The following CUL1 variants were observed in gnomAD, a reference collection of about 807,000 sequenced individuals.
The protein encoded by CUL1 is cullin-1.
A neutral mutation model predicts 118.0 loss-of-function variants in CUL1; 24 were observed. The ratio of observed to expected loss-of-function variants is 0.20; its 90% CI spans 0.15 to 0.29. CUL1 has a LOEUF of 0.29. Among genes scored for constraint, CUL1 ranks in the 10% least tolerant of loss-of-function variants. CUL1 has a pLI of 1.00. For missense variants in CUL1, 361 were observed against 933.8 expected (o/e 0.39, Z 7.99); for synonymous variants, 332 against 340.4 (o/e 0.98, Z 0.27).
chr7:148,780,112 CGT>C (rs970314286), intron 9 of CUL1, among the ~76,000 whole-genome samples: 7 of 76,158 alleles, frequency 9.2e-5, no homozygotes, highest in South Asian at 3.5e-4. Context: ...AATAAACTCC[CGT>C]ATATATATAT....
intron 1 of CUL1, among the ~76,000 whole-genome samples, chr7:148,726,867 C>G (rs1485328828): frequency 6.6e-6 from 1 of 151,122 alleles, no homozygotes. Flanking sequence ...TTTAAATTAG[C>G]CAGGCATGGT....
At chr7:148,796,902 G>A (rs1419497809) in intron 17 of CUL1, among the ~76,000 whole-genome samples, 4 of 152,154 alleles carry the variant, frequency 2.6e-5, no homozygotes, top group East Asian at 1.9e-4. Context: ...GAGGCCTCTC[G>A]CTTTGACAGC....
chr7:148,791,074 G>A (rs1276337943), intron 16 of CUL1, among the ~76,000 whole-genome samples: 3 of 152,092 alleles, frequency 2.0e-5, no homozygotes, highest in African/African-American at 7.2e-5. Context: ...TAATCCTCAC[G>A]CTTTGGGAGG....
At position 148,736,914 on chromosome 7, in the gene CUL1, A is replaced by G. The variant is rs182232897; in HGVS notation, c.140+6652A>G. 1.6e-3 allele frequency among the ~76,000 whole-genome samples: 251 copies of G among 152,348 alleles called. 1 individual carries two copies. The highest frequency in any genetic ancestry group is 2.4e-3 in the Admixed American group (36 of 15,306). On this transcript the variant is annotated intron_variant, in intron 2 of 21. Coordinates refer to ENST00000325222, the MANE Select transcript of CUL1 (RefSeq NM_003592.3). Reference sequence around the variant, plus strand: ...TTTTGAAAAAGTTTGTGTACACCATATGGAAAGGAACTGTCCCTTATAAGG... The same window carrying G: ...TTTTGAAAAAGTTTGTGTACACCATGTGGAAAGGAACTGTCCCTTATAAGG...
At chr7:148,734,629 A>C (rs1320642145) in intron 2 of CUL1, among the ~76,000 whole-genome samples, 2 of 152,188 alleles carry the variant, frequency 1.3e-5, no homozygotes, top group African/African-American at 4.8e-5. Flanking sequence ...TTGAATTTGA[A>C]ATAGGTATTG....
At chr7:148,780,414 G>T (rs1800585548) in intron 9 of CUL1, among the ~76,000 whole-genome samples, 1 of 152,230 alleles carries the variant, frequency 6.6e-6, no homozygotes, top group Admixed American at 6.5e-5. Context: ...ACGTTGAAAA[G>T]AAATGGACGG....
At chr7:148,732,509 T>C (rs1798796062) in intron 2 of CUL1, among the ~76,000 whole-genome samples, 1 of 141,888 alleles carries the variant, frequency 7.0e-6, no homozygotes, top group Admixed American at 7.0e-5. Context: ...GCCCGGCTAA[T>C]TTTTTTTTTT....
intron 1 of CUL1, among the ~76,000 whole-genome samples, chr7:148,725,686 G>A (rs1330832945): frequency 6.6e-6 from 1 of 152,224 alleles, no homozygotes; most frequent in African/African-American, 2.4e-5. Flanking sequence ...TGCCCAGCAT[G>A]TGTGTGACCT....
chr7:148,779,134 A>C (rs1264632237), intron 9 of CUL1, among the ~76,000 whole-genome samples: 1 of 152,124 alleles, frequency 6.6e-6, no homozygotes, highest in Non-Finnish European at 1.5e-5. Flanking sequence ...TCTTAACGTG[A>C]TTTTCTCTTC....
At chr7:148,750,109 G>T in intron 2 of CUL1, among the ~76,000 whole-genome samples, 1 of 152,110 alleles carries the variant, frequency 6.6e-6, no homozygotes, top group Non-Finnish European at 1.5e-5. Flanking sequence ...AGCAGAGGTT[G>T]GTTCATGCGA....
At position 148,790,398 on chromosome 7, in the gene CUL1, G is replaced by C. The variant is rs200852688; in HGVS notation, c.1763G>C (p.Gly588Ala). ...ACGTGGTTATATCAGTTGTCTAAAG[G>C]AGAATTGGTAACTAACTGCTTCAAA... ...KLTWLYQLSK[G>A]ELVTNCFKNR... is the part of the protein sequence containing the mutation. The change falls in exon 16 of 22, where the codon GGA becomes GCA. Residue 588 changes from glycine to alanine, a missense_variant. Physicochemically the swap from Gly to Ala is moderately conservative, Grantham distance 60 (BLOSUM62 0). Transcript: ENST00000325222. 1.2e-6 allele frequency: 2 copies of C among 1,614,056 alleles called. No individual in the cohort carries two copies. Among genetic ancestry groups the C allele is most frequent in the East Asian group, 2.2e-5 (1 of 44,886 alleles).
intron 16 of CUL1, 137 bp from the exon 17 acceptor site, chr7:148,792,589 A>G: frequency 1.8e-6 from 1 of 565,676 alleles, no homozygotes; most frequent in East Asian, 3.0e-5. Context: ...CCTTTTAAAT[A>G]GATCTGTGCT....
At chr7:148,711,552 C>T (rs936998795) in intron 1 of CUL1, among the ~76,000 whole-genome samples, 9 of 152,168 alleles carry the variant, frequency 5.9e-5, no homozygotes, top group Admixed American at 6.5e-5. Flanking sequence ...ATAAAGAGCA[C>T]GGTAGCGCCG....
At chr7:148,747,251 G>A (rs997813225) in intron 2 of CUL1, among the ~76,000 whole-genome samples, 1 of 152,166 alleles carries the variant, frequency 6.6e-6, no homozygotes, top group Non-Finnish European at 1.5e-5. Flanking sequence ...GCCATAGATT[G>A]CCAAGGAACA....
intron 7 of CUL1, among the ~76,000 whole-genome samples, chr7:148,761,738 A>G (rs559330655): frequency 2.0e-5 from 3 of 152,324 alleles, no homozygotes; most frequent in African/African-American, 7.2e-5. Flanking sequence ...AACTTTATTT[A>G]CAGAAAAAGG....
chr7:148,707,573 T>C (rs1797925758), intron 1 of CUL1, among the ~76,000 whole-genome samples: 1 of 152,128 alleles, frequency 6.6e-6, no homozygotes, highest in Admixed American at 6.5e-5. Context: ...GGTGGTTTGC[T>C]GCACCGATCA....
In CUL1 at chr7:148,798,076, C is replaced by A. The variant is rs185053597; in HGVS notation, c.2030+57C>A. On this transcript the variant is annotated intron_variant, in intron 19 of 21. Coordinates refer to ENST00000325222, the MANE Select transcript of CUL1 (RefSeq NM_003592.3). The stretch of plus-strand genomic sequence containing the variant: ...GACCATAGACACGTCCCCCGGGAGC[C>A]CTAGCACGGATCTCAGTATTGTTAC... 2.6e-4 allele frequency: 261 copies of A among 1,020,134 alleles called. No homozygotes were observed. The African/African-American group carries it at 3.9e-3, about 15-fold the overall frequency. The allele number at this position is 1,020,134 out of a possible 1,614,324, so 63.2% of individuals were successfully genotyped here. A position where few individuals can be genotyped will look rare whatever the true frequency, so the allele number is the denominator to read the frequency against.
chr7:148,791,832 G>A (rs571633085), intron 16 of CUL1, among the ~76,000 whole-genome samples: 2 of 152,344 alleles, frequency 1.3e-5, no homozygotes, highest in South Asian at 4.1e-4. Context: ...AGGCGTCCTC[G>A]GGGTGTTCAT....
At chr7:148,791,954 C>T (rs1182536364) in intron 16 of CUL1, among the ~76,000 whole-genome samples, 1 of 152,116 alleles carries the variant, frequency 6.6e-6, no homozygotes, top group Non-Finnish European at 1.5e-5. Context: ...TTTGGGAGGC[C>T]AAGGCAGGCA....
Sources: allele counts gnomAD v4.1 joint callset (sites outside exome capture counted in the v4.1 genomes callset), GRCh38; gene constraint gnomAD v4.1.1; transcripts MANE v1.5; gene names NCBI Gene and HGNC (gene_info 2026-07-23, HGNC 2026-07-21).